Variants in ATP11C observed in about 807,000 individuals in gnomAD.
ATP11C encodes phospholipid-transporting ATPase IG.
In ATP11C, 36 loss-of-function variants were observed where a neutral mutation model predicts 97.4. The observed-to-expected ratio is 0.37, with a 90% CI of 0.28 to 0.49. The LOEUF is 0.49. ATP11C is among the 20% of genes least tolerant of loss of function. The probability of loss-of-function intolerance (pLI) is 0.98; values close to 1 mark genes in which losing one functional copy is unlikely to be tolerated. For missense variants in ATP11C, 730 were observed against 824.6 expected (o/e 0.89, Z 1.40); for synonymous variants, 275 against 290.9 (o/e 0.95, Z 0.56).
rs2085446363 is a variant in ATP11C, at chrX:139,932,092, G to A, written c.-50C>T. On this transcript the variant is annotated 5_prime_UTR_variant, in exon 1 of 30. Transcript: ENST00000682941. ...AGCTGGGCTCTACCGGGCTGTCTGG[G>A]AAGGCGCCGTCCACAAAACACACTG... 2 of 1,112,017 alleles carry A rather than the reference G, an allele frequency of 1.8e-6. No individual in the cohort carries two copies. Among genetic ancestry groups the A allele is most frequent in the African/African-American group, 3.7e-5 (2 of 54,702 alleles). 91.6% of individuals were successfully genotyped at this position (1,112,017 alleles called of 1,213,427 possible). A position where few individuals can be genotyped will look rare whatever the true frequency, so the allele number is the denominator to read the frequency against.
At chrX:139,742,879 ATATATATATATAT>A (rs1569426261) in intron 26 of ATP11C, among the ~76,000 whole-genome samples, 388 of 7,646 alleles carry the variant, frequency 0.051, 1 homozygote, top group Middle Eastern at 0.14. Flanking sequence ...AAAAAAAAAT[ATATATATATATAT>A]ATATATATAT....
chrX:139,899,467 A>G (rs1272357796), intron 1 of ATP11C, among the ~76,000 whole-genome samples: 2 of 107,531 alleles, frequency 1.9e-5, no homozygotes, highest in African/African-American at 6.8e-5. Flanking sequence ...ACAGAGCAAG[A>G]CTGCGTCTCA....
At chrX:139,847,755 ACT>A (rs750799854) in intron 1 of ATP11C, among the ~76,000 whole-genome samples, 1 of 108,901 alleles carries the variant, frequency 9.2e-6, no homozygotes, top group Non-Finnish European at 1.9e-5. Context: ...TGTTAATCAA[ACT>A]CTCTATATCT....
intron 19 of ATP11C, among the ~76,000 whole-genome samples, chrX:139,770,654 G>C (rs1373318733): frequency 9.0e-6 from 1 of 111,069 alleles, no homozygotes; most frequent in East Asian, 2.8e-4. Flanking sequence ...ATTTGAAGGG[G>C]AAAGGGCAAA....
intron 23 of ATP11C, among the ~76,000 whole-genome samples, chrX:139,755,328 T>C (rs1311152959): frequency 1.8e-5 from 2 of 111,570 alleles, no homozygotes; most frequent in African/African-American, 6.5e-5. Flanking sequence ...CTCAAAGAAA[T>C]CAGAGATGAC....
chrX:139,904,219 T>C (rs2084939705), intron 1 of ATP11C, among the ~76,000 whole-genome samples: 1 of 112,005 alleles, frequency 8.9e-6, no homozygotes, highest in South Asian at 3.7e-4. Flanking sequence ...GGTGGAGTAC[T>C]GAGTAAACTA....
At chrX:139,876,225 T>C (rs914231523) in intron 1 of ATP11C, among the ~76,000 whole-genome samples, 1 of 111,506 alleles carries the variant, frequency 9.0e-6, no homozygotes, top group Non-Finnish European at 1.9e-5. Context: ...AAAGTGTCCA[T>C]TGAAAGAAAA....
At chrX:139,790,032 G>GAA (rs77810327) in intron 12 of ATP11C, among the ~76,000 whole-genome samples, 2 of 93,098 alleles carry the variant, frequency 2.1e-5, no homozygotes, top group Non-Finnish European at 4.4e-5. Context: ...TCTGTCTCAG[G>GAA]AAAAAAAAAA....
intron 5 of ATP11C, among the ~76,000 whole-genome samples, chrX:139,813,129 C>T (rs2083212370): frequency 8.9e-6 from 1 of 111,803 alleles, no homozygotes; most frequent in Admixed American, 9.5e-5. Context: ...TAAGCAGCAT[C>T]TCACCAATGA....
intron 1 of ATP11C, among the ~76,000 whole-genome samples, chrX:139,833,637 CT>C (rs2147903785): frequency 9.0e-6 from 1 of 110,911 alleles, no homozygotes; most frequent in African/African-American, 3.3e-5. Flanking sequence ...TTACAGTGAA[CT>C]ATGATCACCA....
rs1338802779 is a variant in ATP11C at position 139,868,606 on chromosome X, A to G, written c.28-41783T>C. ...CCAGGCGTGGTGGCGGTGCGCCTGT[A>G]GTCCCAGCTACTCAGGAGGCTGAGA... On this transcript the variant is annotated intron_variant, in intron 1 of 29. Transcript: ENST00000682941. Among the ~76,000 whole-genome samples the G allele has an allele frequency of 3.7e-5, 4 of 108,521 alleles. No individual in the cohort carries two copies. In the Admixed American group the frequency reaches 4.0e-4, roughly 11 times the overall value. 94.2% of individuals were successfully genotyped at this position (108,521 alleles called of 115,157 possible).
intron 1 of ATP11C, among the ~76,000 whole-genome samples, chrX:139,922,660 G>A (rs1030532976): frequency 3.6e-5 from 4 of 110,987 alleles, no homozygotes; most frequent in African/African-American, 1.3e-4. Context: ...ACCAGTCTGC[G>A]ACGTGAAGCC....
chrX:139,813,450 C>T (rs5954654), intron 5 of ATP11C, among the ~76,000 whole-genome samples: 6,517 of 111,858 alleles, frequency 0.058, 438 homozygotes, highest in African/African-American at 0.2. Flanking sequence ...AATGTATGTC[C>T]ATATAAAAAC....
intron 1 of ATP11C, among the ~76,000 whole-genome samples, chrX:139,866,343 C>CAAAAAAAAAAAAAAAAAAAAAAAAAAA (rs57250412): frequency 7.3e-5 from 2 of 27,550 alleles, no homozygotes; most frequent in Admixed American, 5.9e-4. Context: ...GACTCTGTCT[C>CAAAAAAAAAAAAAAAAAAAAAAAAAAA]AAAAAAAAAA....
chrX:139,825,027 C>A (rs766905385), intron 2 of ATP11C, among the ~76,000 whole-genome samples: 61 of 111,475 alleles, frequency 5.5e-4, no homozygotes, highest in Non-Finnish European at 1.0e-3. Context: ...CGGAGTAGAC[C>A]TGAAGGCCTC....
intron 1 of ATP11C, among the ~76,000 whole-genome samples, chrX:139,890,736 G>T (rs760778399): frequency 8.9e-6 from 1 of 112,386 alleles, no homozygotes; most frequent in East Asian, 2.8e-4. Context: ...GACTGAAGTA[G>T]TTTACAATCT....
intron 12 of ATP11C, among the ~76,000 whole-genome samples, 159 bp downstream of exon 12, chrX:139,796,114 T>G (rs769526565): frequency 8.9e-6 from 1 of 112,596 alleles, no homozygotes; most frequent in Non-Finnish European, 1.9e-5. Context: ...GCTGTAACTA[T>G]GAAAACACTG....
chrX:139,798,991 G>T (rs778565821), intron 8 of ATP11C, among the ~76,000 whole-genome samples: 6 of 111,278 alleles, frequency 5.4e-5, no homozygotes, highest in South Asian at 3.8e-4. Context: ...AAATACATGG[G>T]GGGGGATAAA....
intron 20 of ATP11C, 88 bp from the exon 21 acceptor site, chrX:139,763,506 T>G (rs1249475304): frequency 3.2e-6 from 2 of 627,961 alleles, no homozygotes; most frequent in Non-Finnish European, 5.1e-6. Context: ...TCATTCACAC[T>G]TGTAAATAGC....
Sources: gnomAD v4.1 joint callset for allele counts (sites outside exome capture counted in the v4.1 genomes callset) on GRCh38, gnomAD v4.1.1 for gene constraint, MANE v1.5 for transcripts, NCBI Gene and HGNC (gene_info 2026-07-23, HGNC 2026-07-21) for gene names.